The following CHST9 variants were observed in gnomAD, a reference collection of about 807,000 sequenced individuals.
The protein encoded by CHST9 is GalNAc-4-sulfotransferase 2.
CHST9 carries 41 observed loss-of-function variants against 44.4 expected under a neutral mutation model. The observed-to-expected ratio is 0.92, with a 90% CI of 0.72 to 1.20. CHST9 has a LOEUF of 1.20. CHST9 is among the 50% of genes most tolerant of loss of function. The pLI, the probability that CHST9 is intolerant of heterozygous loss-of-function variation, is 0.00. For missense variants in CHST9, 504 were observed against 516.5 expected, an observed-to-expected ratio of 0.98 and a Z score of 0.23; for synonymous variants, 171 against 178.4, an observed-to-expected ratio of 0.96 and a Z score of 0.33.
intron 2 of CHST9, among the ~76,000 whole-genome samples, chr18:27,100,937 T>G (rs540223880): frequency 5.3e-4 from 81 of 152,330 alleles, no homozygotes; most frequent in African/African-American, 1.9e-3. Flanking sequence ...CAGAGGAGAT[T>G]GTTGCAGCCA....
chr18:27,157,813 T>C (rs1450282481), intron 1 of CHST9, among the ~76,000 whole-genome samples: 1 of 151,758 alleles, frequency 6.6e-6, no homozygotes, highest in African/African-American at 2.4e-5. Context: ...ATACAAAACA[T>C]GTAAAAAAAA....
At chr18:26,984,956 G>A (rs2056737358) in intron 4 of CHST9, among the ~76,000 whole-genome samples, 1 of 152,106 alleles carries the variant, frequency 6.6e-6, no homozygotes, top group Non-Finnish European at 1.5e-5. Flanking sequence ...ATCAACCAAA[G>A]CAAAGCATAT....
intron 4 of CHST9, among the ~76,000 whole-genome samples, chr18:26,996,316 C>A (rs1385638204): frequency 6.6e-6 from 1 of 152,134 alleles, no homozygotes; most frequent in Non-Finnish European, 1.5e-5. Flanking sequence ...GATGTTTTGT[C>A]CCCTCCAAAT....
At chr18:27,010,461 G>A (rs1444390964) in intron 4 of CHST9, among the ~76,000 whole-genome samples, 5 of 152,160 alleles carry the variant, frequency 3.3e-5, no homozygotes, top group African/African-American at 4.8e-5. Context: ...CAAGTGATCT[G>A]ATGTTCCACC....
chr18:26,995,435 CTCA>C (rs2056876266), intron 4 of CHST9, among the ~76,000 whole-genome samples: 1 of 68,862 alleles, frequency 1.5e-5, no homozygotes, highest in African/African-American at 7.9e-5. Context: ...GAGACTCCGT[CTCA>C]AAAAAAAAAA....
chr18:27,143,519 G>A (rs1194742695), intron 1 of CHST9, among the ~76,000 whole-genome samples: 2 of 151,818 alleles, frequency 1.3e-5, no homozygotes, highest in African/African-American at 4.8e-5. Context: ...GTAATAAAGA[G>A]CTATTTTATT....
intron 1 of CHST9, among the ~76,000 whole-genome samples, chr18:27,159,324 T>C (rs140238837): frequency 0.02 from 3,117 of 152,350 alleles, 99 homozygotes; most frequent in African/African-American, 0.07. Context: ...GCTTTCTACA[T>C]GTGGCTAGCT....
At chr18:27,119,354 C>T (rs1220602166) in intron 2 of CHST9, among the ~76,000 whole-genome samples, 1 of 152,192 alleles carries the variant, frequency 6.6e-6, no homozygotes, top group Non-Finnish European at 1.5e-5. Context: ...AAGTTCTGAA[C>T]TTAGCTTAAT....
rs142799562 is a variant in CHST9, at chr18:26,950,984, T to C, written c.203-6618A>G. On this transcript the variant is annotated intron_variant, in intron 4 of 5. Transcript: ENST00000618847. Reference sequence around the variant, plus strand: ...ATTAAAGAGGGAAAAAATAAAAAAATTGACAAAGTTGTCTGACCGGCAGAT... The same window carrying C: ...ATTAAAGAGGGAAAAAATAAAAAAACTGACAAAGTTGTCTGACCGGCAGAT... Among the ~76,000 whole-genome samples, 13 of 152,296 alleles carry C rather than the reference T, an allele frequency of 8.5e-5. No individual in the cohort carries two copies. The East Asian group carries it at 2.5e-3, about 29-fold the overall frequency.
chr18:27,068,526 A>G (rs969043003), intron 2 of CHST9, among the ~76,000 whole-genome samples: 6 of 152,184 alleles, frequency 3.9e-5, no homozygotes, highest in Non-Finnish European at 7.3e-5. Context: ...TGTGTACGTT[A>G]CATGTGTCCT....
rs2057604764 is a variant in CHST9 at position 27,053,263 on chromosome 18, AGAAGGAGAAGGAGAAGGAGAAGG to A, written c.122-4783_122-4761del. On this transcript the variant is annotated intron_variant, in intron 2 of 5. Coordinates refer to ENST00000618847, the MANE Select transcript of CHST9 (RefSeq NM_031422.6). The stretch of plus-strand genomic sequence containing the variant: ...AAGAAGAAGAAGAAGAAGAAGAAGG[AGAAGGAGAAGGAGAAGGAGAAGG>A]AGAAGGAGAAGGAGAAGGAGAAGGA... 2.3e-4 allele frequency among the ~76,000 whole-genome samples: 16 copies of A among 69,350 alleles called. 1 individual carries two copies. The highest frequency in any genetic ancestry group is 4.6e-4 in the Admixed American group (3 of 6,566). The allele number at this position is 69,350 out of a possible 152,430, so 45.5% of individuals were successfully genotyped here. A position where few individuals can be genotyped will look rare whatever the true frequency, so the allele number is the denominator to read the frequency against.
chr18:26,923,355 T>C (rs929246250), intron 5 of CHST9, among the ~76,000 whole-genome samples: 10 of 152,220 alleles, frequency 6.6e-5, no homozygotes, highest in Non-Finnish European at 1.0e-4. Context: ...GTTTAGGTAA[T>C]GATCTCTCTA....
At chr18:27,029,699 T>C (rs572767396) in intron 3 of CHST9, among the ~76,000 whole-genome samples, 15 of 152,190 alleles carry the variant, frequency 9.9e-5, no homozygotes, top group Non-Finnish European at 1.8e-4. Flanking sequence ...GCTATGTTCA[T>C]AGTTGTGATA....
intron 4 of CHST9, among the ~76,000 whole-genome samples, chr18:27,022,988 T>C (rs2057243841): frequency 6.6e-6 from 1 of 152,204 alleles, no homozygotes; most frequent in Admixed American, 6.5e-5. Context: ...AAGGAATAAA[T>C]GGATGCATGG....
intron 4 of CHST9, among the ~76,000 whole-genome samples, chr18:26,993,919 G>A (rs571716635): frequency 4.4e-4 from 67 of 152,342 alleles, no homozygotes; most frequent in East Asian, 1.9e-4. Flanking sequence ...GCAAGGTGCC[G>A]GCAGGGCACG....
intron 4 of CHST9, among the ~76,000 whole-genome samples, chr18:26,946,053 G>A (rs184977706): frequency 6.6e-6 from 1 of 152,246 alleles, no homozygotes; most frequent in East Asian, 1.9e-4. Context: ...CCTGATGCCT[G>A]GGGCCAGTCT....
chr18:27,051,892 T>G (rs2057571312), intron 2 of CHST9, among the ~76,000 whole-genome samples: 1 of 152,182 alleles, frequency 6.6e-6, no homozygotes, highest in African/African-American at 2.4e-5. Context: ...TCAATCAGTC[T>G]CCCTGATTTT....
At chr18:26,930,108 C>T (rs1347308895) in intron 5 of CHST9, among the ~76,000 whole-genome samples, 1 of 152,184 alleles carries the variant, frequency 6.6e-6, no homozygotes, top group South Asian at 2.1e-4. Context: ...ATGTCACTTG[C>T]ATATTTGACA....
At chr18:27,079,988 T>A (rs1470764134) in intron 2 of CHST9, among the ~76,000 whole-genome samples, 1 of 152,186 alleles carries the variant, frequency 6.6e-6, no homozygotes, top group Non-Finnish European at 1.5e-5. Flanking sequence ...AAAGCCCTTT[T>A]TCCCATGTAA....
Sources: allele counts gnomAD v4.1 joint callset (sites outside exome capture counted in the v4.1 genomes callset), GRCh38; gene constraint gnomAD v4.1.1; transcripts MANE v1.5; gene names NCBI Gene and HGNC (gene_info 2026-07-23, HGNC 2026-07-21).